The following TTC17 variants were observed in gnomAD, a reference collection of about 807,000 sequenced individuals.
TTC17 encodes tetratricopeptide repeat domain 17, also known as tetratricopeptide repeat protein 17.
A neutral mutation model predicts 143.8 loss-of-function variants in TTC17; 58 were observed. That is an observed-to-expected ratio of 0.40 (90% CI 0.33 to 0.50). TTC17 has a LOEUF of 0.50. TTC17 is among the 20% of genes least tolerant of loss of function. The probability of loss-of-function intolerance (pLI) is 0.49; values close to 1 mark genes in which losing one functional copy is unlikely to be tolerated. For missense variants in TTC17, 1,273 were observed against 1,392.5 expected, an observed-to-expected ratio of 0.91 and a Z score of 1.37; for synonymous variants, 501 against 497.8, an observed-to-expected ratio of 1.01 and a Z score of -0.09.
chr11:43,468,731 T>A (rs189107690), intron 21 of TTC17, among the ~76,000 whole-genome samples: 96 of 152,098 alleles, frequency 6.3e-4, no homozygotes, highest in Non-Finnish European at 1.1e-3. Flanking sequence ...AGCCAGGAGT[T>A]CAAGACCAAC....
chr11:43,463,818 T>A (rs1947916388), intron 21 of TTC17, among the ~76,000 whole-genome samples: 1 of 152,180 alleles, frequency 6.6e-6, no homozygotes, highest in Non-Finnish European at 1.5e-5. Context: ...TAAACATACA[T>A]GAAGCCTTTA....
At position 43,359,025 on chromosome 11, in the gene TTC17, G is replaced by C; in HGVS notation, c.71G>C (p.Ser24Thr). 6.3e-7 allele frequency: 1 copy of C among 1,591,000 alleles called. No homozygotes were observed. Among genetic ancestry groups the C allele is most frequent in the Non-Finnish European group, 8.5e-7 (1 of 1,170,016 alleles). ...PPCSGPGWLLSLSALLSVAAR... is the reference protein window; with the variant it reads ...PPCSGPGWLLTLSALLSVAAR... ...TGCTCCGGCCCAGGCTGGCTCCTCAGCCTTTCCGCCTTGCTGAGTGTGGCG... is the reference window on the plus strand; with the variant it reads ...TGCTCCGGCCCAGGCTGGCTCCTCACCCTTTCCGCCTTGCTGAGTGTGGCG... The change falls in exon 1 of 24, where the codon AGC (serine) becomes ACC (threonine). Residue 24 changes from serine (S) to threonine (T), a missense_variant. Around this residue, in one of 3 missense-constraint regions of TTC17, gnomAD observed 70 missense variants for 48.5 expected, o/e 1.44. Coordinates refer to ENST00000039989, the MANE Select transcript of TTC17 (RefSeq NM_018259.6).
At chr11:43,478,629 A>G (rs933770698) in intron 21 of TTC17, among the ~76,000 whole-genome samples, 2 of 152,036 alleles carry the variant, frequency 1.3e-5, no homozygotes, top group African/African-American at 4.8e-5. Flanking sequence ...ATTTAAAGTG[A>G]CAGGGTCTCC....
At chr11:43,371,545 CAT>C (rs1365223153) in intron 1 of TTC17, among the ~76,000 whole-genome samples, 4 of 152,218 alleles carry the variant, frequency 2.6e-5, no homozygotes, top group African/African-American at 9.6e-5. Flanking sequence ...GGAACTTCCA[CAT>C]GTTTGGCTCT....
rs1857637688 is a variant in TTC17, at chr11:43,397,373, A to G, written c.800A>G (p.Asn267Ser). The G allele has an allele frequency of 1.9e-6, 3 of 1,611,678 alleles. No homozygotes were observed. The highest frequency in any genetic ancestry group is 1.6e-4 in the Middle Eastern group (1 of 6,062). ...SRHNKDIALV[N>S]LANVLHRAHF... The stretch of plus-strand genomic sequence containing the variant: ...CACAATAAAGACATTGCCCTGGTCA[A>G]CCTGGCAAACGTTCTACACAGAGCA... Residue 267 changes from asparagine to serine, a missense_variant, in exon 7 of 24, where the codon AAC becomes AGC. Physicochemically the swap from Asn to Ser is conservative, Grantham distance 46. This residue lies in a region of TTC17 where 325 missense variants were observed against 444.2 expected (regional missense o/e 0.73). Coordinates refer to ENST00000039989, the MANE Select transcript of TTC17 (RefSeq NM_018259.6).
In TTC17 at chr11:43,420,671, G is replaced by C. The variant is rs149199646; in HGVS notation, c.2251+5895G>C. On this transcript the variant is annotated intron_variant, in intron 16 of 23. Coordinates refer to ENST00000039989, the MANE Select transcript of TTC17 (RefSeq NM_018259.6). The stretch of plus-strand genomic sequence containing the variant: ...TACTTTTGGTTTTTATAAGAACTTA[G>C]AGACAGTATTATCAGATTCTGATGA... 2.0e-5 allele frequency among the ~76,000 whole-genome samples: 3 copies of C among 152,264 alleles called. No individual in the cohort carries two copies. The East Asian group carries it at 5.8e-4, about 29-fold the overall frequency.
At chr11:43,409,001 C>T (rs1342380824) in intron 15 of TTC17, among the ~76,000 whole-genome samples, 1 of 152,114 alleles carries the variant, frequency 6.6e-6, no homozygotes, top group Non-Finnish European at 1.5e-5. Flanking sequence ...TCTCAGCCTC[C>T]AAAAGTGATG....
intron 2 of TTC17, among the ~76,000 whole-genome samples, chr11:43,385,412 C>T (rs1273305284): frequency 6.6e-6 from 1 of 151,524 alleles, no homozygotes; most frequent in Non-Finnish European, 1.5e-5. Context: ...ATACACATAC[C>T]CAGGAAAAAA....
At position 43,443,659 on chromosome 11, in the gene TTC17, G is replaced by A. The variant is rs1947474424; in HGVS notation, c.2511+75G>A. ...GGGATCCTAATATGCAAAGTGGGAA[G>A]TTTCTGTTGGATATGTGGCACTACT... On this transcript the variant is annotated intron_variant, in intron 17 of 23. Transcript: ENST00000039989. 2.6e-6 allele frequency: 4 copies of A among 1,524,476 alleles called. No individual in the cohort carries two copies. In the South Asian group the frequency reaches 5.3e-5, roughly 20 times the overall value. The allele number at this position is 1,524,476 out of a possible 1,614,324, so 94.4% of individuals were successfully genotyped here. A position where few individuals can be genotyped will look rare whatever the true frequency, so the allele number is the denominator to read the frequency against.
intron 16 of TTC17, among the ~76,000 whole-genome samples, chr11:43,417,524 G>T (rs1464267974): frequency 1.3e-5 from 2 of 152,060 alleles, no homozygotes; most frequent in East Asian, 3.9e-4. Context: ...TGAGATTGCT[G>T]GCTGGGTCAC....
At position 43,392,084 on chromosome 11, in the gene TTC17, A is replaced by G. The variant is rs1040639264; in HGVS notation, c.663+132A>G. 6.9e-6 allele frequency: 7 copies of G among 1,012,984 alleles called. No homozygotes were observed. The African/African-American group carries it at 8.2e-5, about 12-fold the overall frequency. 62.7% of individuals were successfully genotyped at this position (1,012,984 alleles called of 1,614,324 possible). On this transcript the variant is annotated intron_variant, in intron 5 of 23. Coordinates refer to ENST00000039989, the MANE Select transcript of TTC17 (RefSeq NM_018259.6). Reference sequence around the variant, plus strand: ...GAAGACGATTTAAAATTACACTTACATTGATGCAAATTGCATAGTTCAGTG... The same window carrying G: ...GAAGACGATTTAAAATTACACTTACGTTGATGCAAATTGCATAGTTCAGTG...
chr11:43,450,821 A>G (rs937275993), intron 20 of TTC17, among the ~76,000 whole-genome samples: 3 of 152,260 alleles, frequency 2.0e-5, no homozygotes, highest in Non-Finnish European at 2.9e-5. Context: ...AAAAATGTAC[A>G]TAGAAAAATA....
intron 1 of TTC17, among the ~76,000 whole-genome samples, chr11:43,361,827 A>C (rs1211376325): frequency 6.6e-6 from 1 of 152,188 alleles, no homozygotes; most frequent in Non-Finnish European, 1.5e-5. Context: ...AACTGGATTA[A>C]CAGCTTTTAG....
intron 21 of TTC17, among the ~76,000 whole-genome samples, chr11:43,469,929 C>G (rs1201056938): frequency 6.6e-6 from 1 of 151,938 alleles, no homozygotes; most frequent in Non-Finnish European, 1.5e-5. Context: ...TTTTTTCAGG[C>G]AGAAGGAAAA....
intron 21 of TTC17, among the ~76,000 whole-genome samples, chr11:43,457,487 CAATAGGAGTAGATTTACAGAT>C (rs1947785584): frequency 6.6e-6 from 1 of 151,190 alleles, no homozygotes; most frequent in African/African-American, 2.4e-5. Context: ...AAAGTGCAGA[CAATAGGAGTAGATTTACAGAT>C]AATAGAGATA....
intron 15 of TTC17, among the ~76,000 whole-genome samples, chr11:43,413,414 A>G (rs1946702464): frequency 6.6e-6 from 1 of 152,200 alleles, no homozygotes; most frequent in African/African-American, 2.4e-5. Flanking sequence ...GAAAGTCTTT[A>G]TGACCTTGCA....
At chr11:43,393,755 C>T (rs890747908) in intron 5 of TTC17, among the ~76,000 whole-genome samples, 2 of 152,154 alleles carry the variant, frequency 1.3e-5, no homozygotes, top group Admixed American at 1.3e-4. Flanking sequence ...ACACATTACT[C>T]CTGTGATTCT....
chr11:43,367,742 G>GTGTGTCTC (rs1186415580), intron 1 of TTC17, among the ~76,000 whole-genome samples: 3 of 151,912 alleles, frequency 2.0e-5, no homozygotes, highest in Non-Finnish European at 2.9e-5. Flanking sequence ...GTGTGTGTGT[G>GTGTGTCTC]TGTGTCTCTT....
chr11:43,416,688 A>C (rs1946787265), intron 16 of TTC17, among the ~76,000 whole-genome samples: 1 of 152,134 alleles, frequency 6.6e-6, no homozygotes, highest in Admixed American at 6.5e-5. Flanking sequence ...TTTTTTTAAT[A>C]ATAGTTCTTT....
Sources: allele counts gnomAD v4.1 joint callset (sites outside exome capture counted in the v4.1 genomes callset), GRCh38; gene constraint gnomAD v4.1.1; regional missense constraint gnomAD v4.1.1; transcripts MANE v1.5; gene names NCBI Gene and HGNC (gene_info 2026-07-23, HGNC 2026-07-21).